Variants in FAM186B observed in about 807,000 individuals in gnomAD.
FAM186B encodes the protein family with sequence similarity 186 member B.
A neutral mutation model predicts 83.4 loss-of-function variants in FAM186B; 68 were observed. The observed-to-expected ratio is 0.81, with a 90% CI of 0.67 to 1.00. FAM186B has a LOEUF of 1.00. FAM186B is among the 50% of genes least tolerant of loss of function. FAM186B has a pLI of 0.00. For missense variants in FAM186B, 983 were observed against 1,099.2 expected (o/e 0.89, Z 1.49); for synonymous variants, 389 against 422.0 (o/e 0.92, Z 0.96).
At chr12:49,622,260 G>A in the FAM186B span, among the ~76,000 whole-genome samples, 100 of 143,288 alleles carry the variant, frequency 7.0e-4, no homozygotes, top group African/African-American at 2.4e-3. Context: ...GCTGCGGGCC[G>A]CGCGCCAGTC....
downstream of FAM186B, among the ~76,000 whole-genome samples, chr12:49,586,560 T>C (rs1939447415): frequency 6.6e-6 from 1 of 152,170 alleles, no homozygotes; most frequent in Non-Finnish European, 1.5e-5. Flanking sequence ...GACCCCACGA[T>C]GGGGAGGTCT....
At chr12:49,592,784 AAAAAAT>A (rs1169005043) in intron 5 of FAM186B, among the ~76,000 whole-genome samples, 1 of 152,180 alleles carries the variant, frequency 6.6e-6, no homozygotes, top group South Asian at 2.1e-4. Flanking sequence ...AGACTCTCTC[AAAAAAT>A]AAAAATAAAA....
chr12:49,604,114 C>T, intron 2 of FAM186B, 199 bp downstream of exon 2: 1 of 570,492 alleles, frequency 1.8e-6, no homozygotes, highest in South Asian at 2.4e-5. Flanking sequence ...ACTTAGGCTT[C>T]ATCATATATT....
the FAM186B span, among the ~76,000 whole-genome samples, chr12:49,613,561 C>T: frequency 1.3e-5 from 2 of 150,848 alleles, no homozygotes; most frequent in Admixed American, 6.6e-5. Context: ...TCAAATTGGC[C>T]GGGCGCAGTG....
At chr12:49,586,402 A>C (rs1013367204), downstream of FAM186B, among the ~76,000 whole-genome samples, 3 of 152,164 alleles carry the variant, frequency 2.0e-5, no homozygotes, top group Non-Finnish European at 2.9e-5. Flanking sequence ...TCAGAAAGTT[A>C]CTGACGTCAT....
the FAM186B span, chr12:49,619,640 G>A: frequency 1.6e-5 from 8 of 512,120 alleles, no homozygotes; most frequent in South Asian, 1.7e-4. Flanking sequence ...TGGTTTTGTT[G>A]GAGGAGCTTA....
the FAM186B span, among the ~76,000 whole-genome samples, chr12:49,610,789 C>CAA: frequency 0.026 from 1,676 of 63,526 alleles, 42 homozygotes; most frequent in African/African-American, 0.091. Flanking sequence ...GACTCCATCT[C>CAA]AAAAAAAAAA....
chr12:49,593,376 T>A (rs1280740636), intron 5 of FAM186B, among the ~76,000 whole-genome samples: 1 of 152,224 alleles, frequency 6.6e-6, no homozygotes, highest in Non-Finnish European at 1.5e-5. Flanking sequence ...GGCTCATGCC[T>A]GTAATCCCAG....
upstream of FAM186B, among the ~76,000 whole-genome samples, chr12:49,607,673 T>G (rs1940049968): frequency 6.6e-6 from 1 of 152,130 alleles, no homozygotes; most frequent in South Asian, 2.1e-4. Flanking sequence ...CTCAAATCAT[T>G]TTATGAGGTT....
upstream of FAM186B, among the ~76,000 whole-genome samples, chr12:49,610,533 G>A (rs1213003948): frequency 1.3e-5 from 2 of 152,236 alleles, no homozygotes; most frequent in Admixed American, 6.5e-5. Flanking sequence ...GCTCACGCCT[G>A]TAATCCCAGC....
intron 5 of FAM186B, among the ~76,000 whole-genome samples, chr12:49,589,374 C>T (rs1235133449): frequency 1.3e-5 from 2 of 152,182 alleles, no homozygotes; most frequent in African/African-American, 2.4e-5. Flanking sequence ...CTTTTCTGCT[C>T]CTGGCAGCCT....
At chr12:49,596,185 CAA>C (rs898384985) in intron 5 of FAM186B, among the ~76,000 whole-genome samples, 17 of 152,066 alleles carry the variant, frequency 1.1e-4, no homozygotes, top group Admixed American at 4.6e-4. Context: ...TCTCAACCTA[CAA>C]AGTGTGTCTG....
chr12:49,618,548 G>T, the FAM186B span, among the ~76,000 whole-genome samples: 1 of 151,268 alleles, frequency 6.6e-6, no homozygotes, highest in South Asian at 2.1e-4. Context: ...AGATTATGTA[G>T]AGAAAAAAAA....
downstream of FAM186B, chr12:49,584,273 CAG>C: frequency 1.9e-6 from 1 of 522,648 alleles, no homozygotes; most frequent in Non-Finnish European, 3.4e-6. Context: ...AGCAATGAGA[CAG>C]AATTTTAAAA....
upstream of FAM186B, among the ~76,000 whole-genome samples, chr12:49,607,732 C>T (rs1565815328): frequency 6.6e-6 from 1 of 152,142 alleles, no homozygotes; most frequent in Non-Finnish European, 1.5e-5. Flanking sequence ...CAGAGTCTTA[C>T]TCTGTTGCCC....
At chr12:49,603,948 G>A (rs1186137486) in intron 2 of FAM186B, among the ~76,000 whole-genome samples, 1 of 152,200 alleles carries the variant, frequency 6.6e-6, no homozygotes, top group Non-Finnish European at 1.5e-5. Context: ...ACACCCAAAT[G>A]GCTGCACCAG....
At chr12:49,612,305 A>T in the FAM186B span, among the ~76,000 whole-genome samples, 1 of 152,002 alleles carries the variant, frequency 6.6e-6, no homozygotes, top group African/African-American at 2.4e-5. Flanking sequence ...ACACAAATGG[A>T]TCTTTCTTCA....
chr12:49,585,939 C>G (rs879118787), downstream of FAM186B, among the ~76,000 whole-genome samples: 1 of 152,190 alleles, frequency 6.6e-6, no homozygotes, highest in African/African-American at 2.4e-5. Context: ...TGTTAGAGAC[C>G]AGCAGATCCT....
intron 3 of FAM186B, among the ~76,000 whole-genome samples, chr12:49,602,969 A>C (rs899733563): frequency 6.6e-6 from 1 of 152,196 alleles, no homozygotes; most frequent in East Asian, 1.9e-4. Context: ...ACCTGTCTCC[A>C]CATCACACCT....
Sources: allele counts gnomAD v4.1 joint callset (sites outside exome capture counted in the v4.1 genomes callset), GRCh38; gene constraint gnomAD v4.1.1; transcripts MANE v1.5; gene names NCBI Gene and HGNC (gene_info 2026-07-23, HGNC 2026-07-21).